ZNF704: variants seen among roughly 807,000 people sequenced by gnomAD.
ZNF704 encodes zinc finger protein 704.
ZNF704 carries 10 observed loss-of-function variants against 44.7 expected under a neutral mutation model. The observed-to-expected ratio is 0.22, with a 90% CI of 0.14 to 0.38. The LOEUF (loss-of-function observed/expected upper bound fraction) is 0.38, where lower values mean the gene tolerates loss of function less well. ZNF704 is among the 10% of genes least tolerant of loss of function. ZNF704 has a pLI of 1.00. For missense variants in ZNF704, 390 were observed against 545.5 expected (o/e 0.71, Z 2.84); for synonymous variants, 211 against 207.6 (o/e 1.02, Z -0.14).
intron 1 of ZNF704, among the ~76,000 whole-genome samples, chr8:80,828,362 C>G (rs1009695537): frequency 6.6e-6 from 1 of 152,094 alleles, no homozygotes; most frequent in Non-Finnish European, 1.5e-5. Flanking sequence ...GAGACTGAAG[C>G]TAAAGAAAGG....
intron 8 of ZNF704, among the ~76,000 whole-genome samples, chr8:80,642,524 A>ATCCATTAAATT: frequency 6.6e-6 from 1 of 152,250 alleles, no homozygotes; most frequent in Non-Finnish European, 1.5e-5. Flanking sequence ...ACGAAATTTC[A>ATCCATTAAATT]TCACACTACT....
intron 2 of ZNF704, among the ~76,000 whole-genome samples, chr8:80,751,658 TAA>T (rs1453764428): frequency 3.3e-5 from 5 of 152,240 alleles, no homozygotes; most frequent in African/African-American, 7.2e-5. Context: ...TGCTTGATGC[TAA>T]AGTGTGATCT....
At chr8:80,786,503 T>C (rs937185392) in intron 2 of ZNF704, among the ~76,000 whole-genome samples, 30 of 152,164 alleles carry the variant, frequency 2.0e-4, no homozygotes, top group Admixed American at 1.7e-3. Flanking sequence ...GACATAATAA[T>C]TGTATTCAAA....
At chr8:80,670,403 C>T in intron 5 of ZNF704, 100 bp downstream of exon 5, 1 of 842,522 alleles carries the variant, frequency 1.2e-6, no homozygotes, top group Non-Finnish European at 2.0e-6. Context: ...AGCCCAGTGT[C>T]CAGAACCTTT....
chr8:80,768,073 A>G (rs1186674406), intron 2 of ZNF704, among the ~76,000 whole-genome samples: 6 of 152,200 alleles, frequency 3.9e-5, no homozygotes, highest in Admixed American at 3.9e-4. Flanking sequence ...ATGTTGCAAC[A>G]CAAGCTTTGA....
chr8:80,776,165 A>G (rs1318348290), intron 2 of ZNF704, among the ~76,000 whole-genome samples: 1 of 152,148 alleles, frequency 6.6e-6, no homozygotes, highest in African/African-American at 2.4e-5. Context: ...TAAGAGTGAC[A>G]AGTGTTTTGC....
In ZNF704 at chr8:80,640,570, A is replaced by G. The variant is rs1383842300; in HGVS notation, c.*796T>C. 1.3e-5 allele frequency: 2 copies of G among 152,328 alleles called. No individual in the cohort carries two copies. Among genetic ancestry groups the G allele is most frequent in the East Asian group, 3.9e-4 (2 of 5,172 alleles). The allele number at this position is 152,328 out of a possible 1,614,324, so 9.4% of individuals were successfully genotyped here. A position where few individuals can be genotyped will look rare whatever the true frequency, so the allele number is the denominator to read the frequency against. On this transcript the variant is annotated 3_prime_UTR_variant, in exon 9 of 9. Transcript: ENST00000327835. ...AATTCTTGACTGAGTTGTGGCAGGT[A>G]GAGAGTAGAGTTAGCTGTGCTGCCT...
chr8:80,750,954 C>A (rs1806932497), intron 2 of ZNF704, among the ~76,000 whole-genome samples: 1 of 152,148 alleles, frequency 6.6e-6, no homozygotes, highest in East Asian at 1.9e-4. Flanking sequence ...CTAAACAAAT[C>A]TTTTCGACTA....
intron 2 of ZNF704, among the ~76,000 whole-genome samples, chr8:80,805,574 T>A (rs1807976156): frequency 6.6e-6 from 1 of 152,214 alleles, no homozygotes; most frequent in South Asian, 2.1e-4. Flanking sequence ...TATCTTTTTT[T>A]CACTGTAGGA....
At chr8:80,724,554 C>T (rs1283413945) in intron 2 of ZNF704, among the ~76,000 whole-genome samples, 1 of 152,182 alleles carries the variant, frequency 6.6e-6, no homozygotes, top group Non-Finnish European at 1.5e-5. Context: ...CCAAATGTCT[C>T]TCCAGTCCAG....
intron 1 of ZNF704, among the ~76,000 whole-genome samples, chr8:80,870,906 A>G (rs1809240826): frequency 6.6e-6 from 1 of 152,128 alleles, no homozygotes; most frequent in African/African-American, 2.4e-5. Context: ...ACATGCACAA[A>G]ACAGAAAACC....
chr8:80,649,533 G>A (rs534061175), intron 7 of ZNF704, among the ~76,000 whole-genome samples: 7 of 152,310 alleles, frequency 4.6e-5, no homozygotes, highest in African/African-American at 7.2e-5. Context: ...CACCTGGCTC[G>A]GAGGGTCCTA....
Position 80,666,109 on chromosome 8 carries a change from T to C in ZNF704, c.660-1027A>G, listed in dbSNP as rs1468607519. On this transcript the variant is annotated intron_variant, in intron 5 of 8. Coordinates refer to ENST00000327835, the MANE Select transcript of ZNF704 (RefSeq NM_001033723.3). ...AGGTATATCTCCCAACGCTATCCCTTCCCCCGCCCCCCACCCCACCACAGT... is the reference window on the plus strand; with the variant it reads ...AGGTATATCTCCCAACGCTATCCCTCCCCCCGCCCCCCACCCCACCACAGT... Among the ~76,000 whole-genome samples the C allele has an allele frequency of 2.9e-5, 4 of 138,954 alleles. No homozygotes were observed. In the East Asian group the frequency reaches 7.3e-4, roughly 25 times the overall value. The allele number at this position is 138,954 out of a possible 152,430, so 91.2% of individuals were successfully genotyped here.
In ZNF704 at chr8:80,817,172, G is replaced by A. The variant is rs900613850; in HGVS notation, c.221+4202C>T. Among the ~76,000 whole-genome samples the A allele has an allele frequency of 7.9e-5, 12 of 152,138 alleles. No homozygotes were observed. The East Asian group carries it at 1.3e-3, about 17-fold the overall frequency. On this transcript the variant is annotated intron_variant, in intron 2 of 8. Coordinates refer to ENST00000327835, the MANE Select transcript of ZNF704 (RefSeq NM_001033723.3). Reference sequence around the variant, plus strand: ...GGAGACTGGCCCCTGTCTCAAGCCCGCACAGCCTAGGGCACTTTTAATATA... The same window carrying A: ...GGAGACTGGCCCCTGTCTCAAGCCCACACAGCCTAGGGCACTTTTAATATA...
In ZNF704 at chr8:80,666,944, T is replaced by G. The variant is rs1818204604; in HGVS notation, c.660-1862A>C. Among the ~76,000 whole-genome samples the G allele has an allele frequency of 2.0e-5, 3 of 152,140 alleles. No individual in the cohort carries two copies. In the South Asian group the frequency reaches 6.2e-4, roughly 32 times the overall value. ...TGTTCACTCTGATGGTAGTTTCTTT[T>G]GCTGTGCAGAAGCTCTTTATTTTAA... On this transcript the variant is annotated intron_variant, in intron 5 of 8. Transcript: ENST00000327835.
chr8:80,872,345 A>G (rs1809266883), intron 1 of ZNF704, among the ~76,000 whole-genome samples: 1 of 152,190 alleles, frequency 6.6e-6, no homozygotes, highest in South Asian at 2.1e-4. Flanking sequence ...TAGGAAATAA[A>G]TTTCTGCCCA....
chr8:80,821,126 T>A (rs1808262382), intron 2 of ZNF704, among the ~76,000 whole-genome samples: 1 of 152,226 alleles, frequency 6.6e-6, no homozygotes. Flanking sequence ...TCTTTATTAT[T>A]CATTTATTAA....
intron 2 of ZNF704, among the ~76,000 whole-genome samples, chr8:80,732,342 G>A (rs969064200): frequency 1.4e-4 from 22 of 152,126 alleles, no homozygotes; most frequent in Non-Finnish European, 2.8e-4. Flanking sequence ...GGGACTTCTG[G>A]TAGTCTTCTG....
chr8:80,836,276 C>G (rs1401457631), intron 1 of ZNF704, among the ~76,000 whole-genome samples: 2 of 152,200 alleles, frequency 1.3e-5, no homozygotes, highest in Non-Finnish European at 2.9e-5. Context: ...ACATGCCAGG[C>G]ATACCCCTGC....
Sources: allele counts gnomAD v4.1 joint callset (sites outside exome capture counted in the v4.1 genomes callset), GRCh38; gene constraint gnomAD v4.1.1; transcripts MANE v1.5; gene names NCBI Gene and HGNC (gene_info 2026-07-23, HGNC 2026-07-21).